Variants in PCDHA8 observed in about 807,000 individuals in gnomAD.
PCDHA8 encodes protocadherin alpha 8, also known as protocadherin alpha-8.
PCDHA8 carries 53 observed loss-of-function variants against 61.8 expected under a neutral mutation model. The ratio of observed to expected loss-of-function variants is 0.86; its 90% CI spans 0.69 to 1.08. The LOEUF (loss-of-function observed/expected upper bound fraction) is 1.08, where lower values mean the gene tolerates loss of function less well. Among genes scored for constraint, PCDHA8 ranks in the 50% least tolerant of loss-of-function variants. The pLI is 0.00. For synonymous variants in PCDHA8, 618 were observed against 556.6 expected (o/e 1.11, Z -1.55); for missense variants, 1,293 against 1,245.0 (o/e 1.04, Z -0.58).
chr5:140,928,744 C>T (rs143875858), intron 1 of PCDHA8: 3 of 1,614,144 alleles, frequency 1.9e-6, no homozygotes, highest in Admixed American at 3.3e-5. Context: ...TATAGGTGAG[C>T]TCCGTACTGC....
intron 3 of PCDHA8, among the ~76,000 whole-genome samples, chr5:140,993,766 C>T (rs567978996): frequency 9.2e-5 from 14 of 152,082 alleles, no homozygotes; most frequent in African/African-American, 1.7e-4. Context: ...ATTACAATTG[C>T]GCAGTATTTT....
In PCDHA8 at chr5:140,916,964, T is replaced by C. The variant is rs139574694; in HGVS notation, c.2395-61985T>C. On this transcript the variant is annotated intron_variant, in intron 1 of 3. Transcript: ENST00000531613. The stretch of plus-strand genomic sequence containing the variant: ...GTGAGGCTTGCTGAGTTCTGACTGC[T>C]GGGATGAGTGATTCGCCTCTGGCCA... Among the ~76,000 whole-genome samples, 15 of 152,322 alleles carry C rather than the reference T, an allele frequency of 9.8e-5. No individual in the cohort carries two copies. In the East Asian group the frequency reaches 2.9e-3, roughly 29 times the overall value.
chr5:140,982,623 C>T, intron 3 of PCDHA8, 60 bp downstream of exon 3: 1 of 1,583,652 alleles, frequency 6.3e-7, no homozygotes, highest in South Asian at 1.2e-5. Context: ...AGATGACCTA[C>T]TTTTGTAAGA....
At chr5:140,982,336 A>G in intron 2 of PCDHA8, 139 bp from the exon 3 acceptor site, 1 of 1,449,074 alleles carries the variant, frequency 6.9e-7, no homozygotes, top group Non-Finnish European at 9.2e-7. Context: ...GCTCAGCAGT[A>G]ATTGCTTCAG....
intron 1 of PCDHA8, among the ~76,000 whole-genome samples, chr5:140,915,885 G>A (rs1487160672): frequency 6.6e-6 from 1 of 152,204 alleles, no homozygotes; most frequent in Admixed American, 6.5e-5. Context: ...AGGGTAGCAA[G>A]TTCCCCCTGG....
chr5:140,870,947 G>A lies in PCDHA8; in HGVS notation c.2394+27232G>A. ...TCATATGAATTGCAGCCGGCGGCGGGCGGCTCGCGCATCCCGTTCCGCGTG... is the reference window on the plus strand; with the variant it reads ...TCATATGAATTGCAGCCGGCGGCGGACGGCTCGCGCATCCCGTTCCGCGTG... On this transcript the variant is annotated intron_variant, in intron 1 of 3. Coordinates refer to ENST00000531613, the MANE Select transcript of PCDHA8 (RefSeq NM_018911.3). The A allele has an allele frequency of 6.2e-7, 1 of 1,613,700 alleles. No homozygotes were observed. Among genetic ancestry groups the A allele is most frequent in the Non-Finnish European group, 8.5e-7 (1 of 1,179,896 alleles).
intron 1 of PCDHA8, among the ~76,000 whole-genome samples, chr5:140,972,018 A>G (rs2096514313): frequency 6.6e-6 from 1 of 152,162 alleles, no homozygotes; most frequent in Non-Finnish European, 1.5e-5. Flanking sequence ...TTTATATGGG[A>G]TATTCAGGCA....
At chr5:140,968,167 A>C (rs782252124) in intron 1 of PCDHA8, 1 of 1,614,076 alleles carries the variant, frequency 6.2e-7, no homozygotes, top group Admixed American at 1.7e-5. Flanking sequence ...ACAATCCACC[A>C]AGCTTCCTGG....
intron 1 of PCDHA8, among the ~76,000 whole-genome samples, chr5:140,947,645 A>AT (rs2094157342): frequency 6.6e-6 from 1 of 151,670 alleles, no homozygotes; most frequent in East Asian, 1.9e-4. Context: ...GTATGAACAT[A>AT]TATACCTCCA....
intron 2 of PCDHA8, 123 bp from the exon 3 acceptor site, chr5:140,982,352 G>A (rs1554244046): frequency 4.0e-6 from 6 of 1,507,640 alleles, no homozygotes; most frequent in Non-Finnish European, 5.3e-6. Context: ...TTCAGTTCAA[G>A]CATGAGCAGA....
chr5:140,932,016 G>A lies in PCDHA8; in HGVS notation c.2395-46933G>A, dbSNP rs73266047. Among the ~76,000 whole-genome samples, 510 of 151,544 alleles carry A rather than the reference G, an allele frequency of 3.4e-3. 2 individuals carry two copies. Among genetic ancestry groups the A allele is most frequent in the African/African-American group, 0.012 (481 of 41,364 alleles). ...TCTAAGTTCTTTCATTTTAGTTTAC[G>A]GTAAGTTTACAGTATATATTAACAT... On this transcript the variant is annotated intron_variant, in intron 1 of 3. Transcript: ENST00000531613.
At chr5:140,944,880 C>T (rs1275494519) in intron 1 of PCDHA8, among the ~76,000 whole-genome samples, 1 of 152,150 alleles carries the variant, frequency 6.6e-6, no homozygotes, top group Non-Finnish European at 1.5e-5. Flanking sequence ...ACCTACTCCA[C>T]TGTACAGTTC....
chr5:140,940,413 A>G (rs2092607327), intron 1 of PCDHA8, among the ~76,000 whole-genome samples: 1 of 152,166 alleles, frequency 6.6e-6, no homozygotes, highest in East Asian at 1.9e-4. Context: ...TTTAAAAATT[A>G]TAATTATTAC....
intron 1 of PCDHA8, chr5:140,968,785 T>G: frequency 6.2e-7 from 1 of 1,614,226 alleles, no homozygotes; most frequent in Non-Finnish European, 8.5e-7. Flanking sequence ...TATCAGCCTC[T>G]GTGGCCATTA....
intron 1 of PCDHA8, among the ~76,000 whole-genome samples, chr5:140,917,329 G>GGC (rs1563018868): frequency 6.9e-6 from 1 of 143,930 alleles, no homozygotes; most frequent in Non-Finnish European, 1.5e-5. Context: ...TGTGGCGGGG[G>GGC]AGGGGGGGGA....
At chr5:140,851,854 G>A (rs1187203228) in intron 1 of PCDHA8, 1 of 972,298 alleles carries the variant, frequency 1.0e-6, no homozygotes, top group East Asian at 1.1e-4. Flanking sequence ...TCTCCTCTCA[G>A]CTCATACATA....
intron 1 of PCDHA8, chr5:140,929,409 T>G: frequency 6.6e-7 from 1 of 1,506,206 alleles, no homozygotes; most frequent in Non-Finnish European, 8.9e-7. Context: ...GACAAGCCTT[T>G]CACAACATTT....
chr5:140,921,953 C>A (rs2080517782), intron 1 of PCDHA8, among the ~76,000 whole-genome samples: 3 of 151,116 alleles, frequency 2.0e-5, no homozygotes, highest in African/African-American at 4.9e-5. Flanking sequence ...TTGTAAAATC[C>A]CAGAAAACCA....
intron 1 of PCDHA8, chr5:140,853,754 A>G: frequency 1.0e-6 from 1 of 988,728 alleles, no homozygotes; most frequent in Non-Finnish European, 1.2e-6. Context: ...TCAAGGCTCC[A>G]CCTCAGAAAT....
Sources: gnomAD v4.1 joint callset for allele counts (sites outside exome capture counted in the v4.1 genomes callset) on GRCh38, gnomAD v4.1.1 for gene constraint, MANE v1.5 for transcripts, NCBI Gene and HGNC (gene_info 2026-07-23, HGNC 2026-07-21) for gene names.